TKTL1: variants seen among roughly 807,000 people sequenced by gnomAD.
The protein encoded by TKTL1 is transketolase-like protein 1.
Under a neutral mutation model 39.3 loss-of-function variants are expected in TKTL1, and 1 was observed. The ratio of observed to expected loss-of-function variants is 0.03; its 90% confidence interval spans 0.01 to 0.12. TKTL1 has a LOEUF of 0.12. TKTL1 is among the 10% of genes least tolerant of loss of function. The pLI, the probability that TKTL1 is intolerant of heterozygous loss-of-function variation, is 1.00. For missense variants in TKTL1, 575 were observed against 509.6 expected, an observed-to-expected ratio of 1.13 and a Z score of -1.24; for synonymous variants, 262 against 193.8, an observed-to-expected ratio of 1.35 and a Z score of -2.92.
chrX:154,315,061 C>A, intron 6 of TKTL1, 112 bp from the exon 7 acceptor site: 1 of 883,302 alleles, frequency 1.1e-6, no homozygotes, highest in Non-Finnish European at 1.6e-6. Flanking sequence ...AATTTACTTT[C>A]TTCAAGATAG....
At chrX:154,328,014 T>C (rs1557172383) in intron 12 of TKTL1, 56 bp downstream of exon 12, 7 of 1,187,630 alleles carry the variant, frequency 5.9e-6, no homozygotes, top group East Asian at 3.0e-5. Flanking sequence ...GTTTCCTTGA[T>C]TGGCCACATG....
chrX:154,328,193 C>G lies in TKTL1; in HGVS notation c.1618+235C>G, dbSNP rs1231873288. On this transcript the variant is annotated intron_variant, in intron 12 of 12. Transcript: ENST00000369915. ...TGGCAACACAGAGGAGTGGCTATTG[C>G]AGGCAAGCGAGGTGTCATGAAAAGC... is the stretch of plus-strand genomic sequence containing the variant. 7.2e-5 allele frequency among the ~76,000 whole-genome samples: 8 copies of G among 111,265 alleles called. No individual in the cohort carries two copies. In the Admixed American group the frequency reaches 7.7e-4, roughly 11 times the overall value.
chrX:154,296,930 TAC>T (rs2067234218), intron 1 of TKTL1, among the ~76,000 whole-genome samples: 1 of 111,447 alleles, frequency 9.0e-6, no homozygotes, highest in African/African-American at 3.3e-5. Context: ...AGGCTCAGGT[TAC>T]AGTGAACTGA....
At chrX:154,308,125 G>A (rs1391906371) in intron 2 of TKTL1, among the ~76,000 whole-genome samples, 1 of 112,014 alleles carries the variant, frequency 8.9e-6, no homozygotes, top group African/African-American at 3.2e-5. Context: ...GTCAATAGAT[G>A]GAGTGTCAGG....
rs181367089 is a variant in TKTL1 at position 154,320,011 on chromosome X, C to T, written c.1030-746C>T. On this transcript the variant is annotated intron_variant, in intron 7 of 12. Transcript: ENST00000369915. ...CATCAGGGGAGCATTGGGCCAGATG[C>T]GACTTCCCGAGGGTGCACAGGGCCC... is the stretch of plus-strand genomic sequence containing the variant. Among the ~76,000 whole-genome samples, 833 of 112,405 alleles carry T rather than the reference C, an allele frequency of 7.4e-3. 1 individual carries two copies. The highest frequency in any genetic ancestry group is 0.013 in the Non-Finnish European group (717 of 53,176).
At position 154,295,875 on chromosome X, in the gene TKTL1, G is replaced by A; in HGVS notation, c.16G>A (p.Ala6Thr). 3 of 1,211,881 alleles carry A rather than the reference G, an allele frequency of 2.5e-6. No individual in the cohort carries two copies. The highest frequency in any genetic ancestry group is 3.4e-6 in the Non-Finnish European group (3 of 895,430). Residue 6 changes from alanine (A) to threonine (T), a missense_variant, in exon 1 of 13, where the codon GCG (alanine) becomes ACG (threonine). Transcript: ENST00000369915. ...GGTTGGACTAATGGCGGATGCTGAG[G>A]CGAGGGCTGAGTTCCCGGAGGAGGC... Reference protein sequence around the residue: MADAEARAEFPEEARP... With the variant: MADAETRAEFPEEARP...
At chrX:154,296,181 C>G (rs1458172560) in intron 1 of TKTL1, among the ~76,000 whole-genome samples, 188 bp downstream of exon 1, 3 of 111,225 alleles carry the variant, frequency 2.7e-5, no homozygotes, top group Non-Finnish European at 5.7e-5. Context: ...ACTATTCCCG[C>G]CAACCCAAGG....
chrX:154,314,965 G>A (rs782271075), intron 6 of TKTL1, among the ~76,000 whole-genome samples: 66 of 111,462 alleles, frequency 5.9e-4, no homozygotes, highest in Non-Finnish European at 1.1e-3. Context: ...GAAAAACTTG[G>A]GTGCCACATC....
intron 1 of TKTL1, among the ~76,000 whole-genome samples, chrX:154,298,683 G>GACCC (rs1164133177): frequency 1.0e-5 from 1 of 99,524 alleles, no homozygotes; most frequent in East Asian, 3.1e-4. Context: ...GACAAACTGA[G>GACCC]ACCCTGTCTC....
chrX:154,296,760 T>A (rs1371425601), intron 1 of TKTL1, among the ~76,000 whole-genome samples: 1 of 111,325 alleles, frequency 9.0e-6, no homozygotes, highest in African/African-American at 3.3e-5. Flanking sequence ...CCACCTGTAA[T>A]CCCAAGCACT....
intron 7 of TKTL1, among the ~76,000 whole-genome samples, chrX:154,316,843 C>T (rs781859664): frequency 1.9e-5 from 2 of 107,750 alleles, no homozygotes; most frequent in Admixed American, 9.9e-5. Flanking sequence ...GATCACAGCT[C>T]ACTGCAACCT....
At chrX:154,307,466 C>G (rs1409869513) in intron 2 of TKTL1, among the ~76,000 whole-genome samples, 1 of 112,630 alleles carries the variant, frequency 8.9e-6, no homozygotes, top group East Asian at 2.8e-4. Flanking sequence ...GATCTTTATT[C>G]TAGCCTTTCA....
Position 154,323,348 on chromosome X carries a change from G to A in TKTL1, c.1317+11G>A. The A allele has an allele frequency of 8.3e-7, 1 of 1,210,290 alleles. No individual in the cohort carries two copies. Among genetic ancestry groups the A allele is most frequent in the Non-Finnish European group, 1.1e-6 (1 of 894,789 alleles). ...GCAGCCAATGCCAAGGTATTTTTAA[G>A]GGGACACTAGTTTCAGACAGAAAAT... On this transcript the variant is annotated intron_variant, in intron 9 of 12. Transcript: ENST00000369915.
intron 7 of TKTL1, chrX:154,320,495 C>A: frequency 2.6e-6 from 1 of 383,900 alleles, no homozygotes; most frequent in Non-Finnish European, 4.6e-6. Flanking sequence ...GGCATGGACC[C>A]TGGAAAGCTG....
chrX:154,302,258 C>G (rs1164983035), intron 1 of TKTL1, among the ~76,000 whole-genome samples: 4 of 110,644 alleles, frequency 3.6e-5, no homozygotes, highest in African/African-American at 1.3e-4. Context: ...GTCCAATAGT[C>G]CTAAGAAATT....
intron 1 of TKTL1, among the ~76,000 whole-genome samples, chrX:154,302,814 GAC>G (rs1198648708): frequency 9.0e-6 from 1 of 111,717 alleles, no homozygotes; most frequent in Non-Finnish European, 1.9e-5. Flanking sequence ...AGAGATTGGA[GAC>G]ACACAGACAC....
intron 1 of TKTL1, among the ~76,000 whole-genome samples, chrX:154,302,077 C>T (rs145424899): frequency 0.01 from 1,124 of 111,033 alleles, 12 homozygotes; most frequent in African/African-American, 0.036. Flanking sequence ...GAGGTGACAA[C>T]AGAAAAGCAT....
intron 1 of TKTL1, 94 bp downstream of exon 1, chrX:154,296,087 C>T: frequency 1.9e-6 from 2 of 1,076,020 alleles, no homozygotes; most frequent in East Asian, 3.0e-5. Context: ...GAAGGGAGAG[C>T]CTTCAGAGGC....
At chrX:154,304,501 C>T (rs2067299721) in intron 1 of TKTL1, among the ~76,000 whole-genome samples, 1 of 109,472 alleles carries the variant, frequency 9.1e-6, no homozygotes. Context: ...GAGGCCGAGG[C>T]GGGAGAATCA....
Sources: allele counts gnomAD v4.1 joint callset (sites outside exome capture counted in the v4.1 genomes callset), GRCh38; gene constraint gnomAD v4.1.1; transcripts MANE v1.5; gene names NCBI Gene and HGNC (gene_info 2026-07-23, HGNC 2026-07-21).